SORBS2: variants seen among roughly 807,000 people sequenced by gnomAD.
SORBS2 encodes sorbin and SH3 domain containing 2, also known as sorbin and SH3 domain-containing protein 2.
A neutral mutation model predicts 97.7 loss-of-function variants in SORBS2; 46 were observed. The ratio of observed to expected loss-of-function variants is 0.47; its 90% CI spans 0.37 to 0.60. SORBS2 has a LOEUF of 0.60. Ranked by LOEUF, SORBS2 falls within the 20% of genes least tolerant of loss-of-function variation. The probability of loss-of-function intolerance (pLI) is 0.00; values close to 1 mark genes in which losing one functional copy is unlikely to be tolerated. For missense variants in SORBS2, 1,316 were observed against 1,282.3 expected (o/e 1.03, Z -0.40); for synonymous variants, 476 against 473.4 (o/e 1.01, Z -0.07).
At chr4:185,845,841 G>A (rs1042240774) in intron 1 of SORBS2, among the ~76,000 whole-genome samples, 1 of 152,174 alleles carries the variant, frequency 6.6e-6, no homozygotes, top group Non-Finnish European at 1.5e-5. Flanking sequence ...TTAGGAAAAT[G>A]CAAATGAAAA....
chr4:185,726,707 T>C (rs1393307087), intron 2 of SORBS2, among the ~76,000 whole-genome samples: 3 of 151,884 alleles, frequency 2.0e-5, no homozygotes, highest in Non-Finnish European at 4.4e-5. Context: ...TTCCTTGATG[T>C]TCTTTTCTTA....
chr4:185,887,553 T>C (rs1483757368), intron 1 of SORBS2, among the ~76,000 whole-genome samples: 1 of 152,174 alleles, frequency 6.6e-6, no homozygotes, highest in Non-Finnish European at 1.5e-5. Context: ...ACTGCAGATT[T>C]TGTGGTATGT....
At chr4:185,938,383 GACACATACACACACACACAC>G (rs1350942011) in intron 1 of SORBS2, among the ~76,000 whole-genome samples, 6 of 91,348 alleles carry the variant, frequency 6.6e-5, no homozygotes, top group African/African-American at 2.5e-4. Context: ...GAAAAATGTA[GACACATACACACACACACAC>G]ACACACACAC....
At chr4:185,882,078 A>C (rs2149779896) in intron 1 of SORBS2, among the ~76,000 whole-genome samples, 1 of 152,290 alleles carries the variant, frequency 6.6e-6, no homozygotes, top group African/African-American at 2.4e-5. Flanking sequence ...GCATTAATGC[A>C]AAATTATATT....
At chr4:185,696,592 T>C (rs1213513094) in intron 2 of SORBS2, among the ~76,000 whole-genome samples, 2 of 152,174 alleles carry the variant, frequency 1.3e-5, no homozygotes, top group Non-Finnish European at 2.9e-5. Context: ...TAGCTGGGAT[T>C]ACAGGCATGC....
At chr4:185,895,807 G>C (rs930132116) in intron 1 of SORBS2, among the ~76,000 whole-genome samples, 1 of 152,212 alleles carries the variant, frequency 6.6e-6, no homozygotes, top group Non-Finnish European at 1.5e-5. Context: ...GCAAATTATA[G>C]TTTTCCTGAA....
chr4:185,689,808 A>C (rs538198980), intron 2 of SORBS2, among the ~76,000 whole-genome samples: 1 of 152,240 alleles, frequency 6.6e-6, no homozygotes, highest in South Asian at 2.1e-4. Flanking sequence ...CGACGGCTCA[A>C]ACAACTTTCC....
intron 4 of SORBS2, chr4:185,666,123 A>G: frequency 1.6e-6 from 2 of 1,289,844 alleles, no homozygotes; most frequent in South Asian, 2.5e-5. Flanking sequence ...GAGGGCACGG[A>G]GGAGAAGCTT....
chr4:185,944,936 A>G (rs1349589258), intron 1 of SORBS2, among the ~76,000 whole-genome samples: 2 of 152,210 alleles, frequency 1.3e-5, no homozygotes, highest in African/African-American at 2.4e-5. Flanking sequence ...AATTTCTCCA[A>G]TGCAGCAGCC....
intron 1 of SORBS2, among the ~76,000 whole-genome samples, chr4:185,894,032 T>G (rs1427470849): frequency 6.6e-6 from 1 of 152,200 alleles, no homozygotes; most frequent in Non-Finnish European, 1.5e-5. Context: ...GATGCAAATC[T>G]GCCTCACAAA....
At chr4:185,677,192 G>A in intron 4 of SORBS2, 2 of 1,551,720 alleles carry the variant, frequency 1.3e-6, no homozygotes, top group Non-Finnish European at 8.7e-7. Context: ...GGGTCAGTGA[G>A]CGGGGCCTTT....
chr4:185,667,803 G>T (rs911725875), intron 4 of SORBS2, among the ~76,000 whole-genome samples: 3 of 150,790 alleles, frequency 2.0e-5, no homozygotes, highest in Admixed American at 6.6e-5. Context: ...AAATGTTTTG[G>T]TGGGGATGCA....
chr4:185,633,166 C>T (rs574914555), intron 4 of SORBS2, among the ~76,000 whole-genome samples: 2 of 152,228 alleles, frequency 1.3e-5, no homozygotes, highest in African/African-American at 2.4e-5. Flanking sequence ...TTCATTAATG[C>T]CAGTTTTCCA....
intron 1 of SORBS2, among the ~76,000 whole-genome samples, chr4:185,843,019 C>T (rs1351461552): frequency 6.6e-6 from 1 of 151,496 alleles, no homozygotes; most frequent in East Asian, 1.9e-4. Flanking sequence ...TGGAGAAGGT[C>T]TGGGACTGAA....
chr4:185,602,295 AC>A (rs1404236162), intron 12 of SORBS2, among the ~76,000 whole-genome samples: 16 of 152,268 alleles, frequency 1.1e-4, no homozygotes, highest in African/African-American at 3.9e-4. Context: ...GGCATGAGCC[AC>A]CGTGCCCAGC....
At chr4:185,951,098 T>C (rs1347367635) in intron 1 of SORBS2, among the ~76,000 whole-genome samples, 1 of 152,174 alleles carries the variant, frequency 6.6e-6, no homozygotes, top group African/African-American at 2.4e-5. Flanking sequence ...ATGTTCTTGG[T>C]ACCCTTCCAG....
chr4:185,934,631 C>A (rs1007513810), intron 1 of SORBS2, among the ~76,000 whole-genome samples: 1 of 151,770 alleles, frequency 6.6e-6, no homozygotes, highest in African/African-American at 2.4e-5. Context: ...ACAACAACAA[C>A]AAATTAGCCA....
intron 1 of SORBS2, among the ~76,000 whole-genome samples, chr4:185,895,259 G>C (rs2099244459): frequency 1.3e-5 from 2 of 152,224 alleles, no homozygotes; most frequent in Admixed American, 1.3e-4. Flanking sequence ...CAGAGGACTT[G>C]TTTTGGTGTC....
chr4:185,678,391 A>G (rs1272239538), intron 4 of SORBS2, 32 bp downstream of exon 7: 22 of 1,525,082 alleles, frequency 1.4e-5, no homozygotes, highest in Non-Finnish European at 1.8e-5. Context: ...ATGCCTTAAA[A>G]TAATGCAGTA....
Sources: allele counts gnomAD v4.1 joint callset (sites outside exome capture counted in the v4.1 genomes callset), GRCh38; gene constraint gnomAD v4.1.1; transcripts MANE v1.5; gene names NCBI Gene and HGNC (gene_info 2026-07-23, HGNC 2026-07-21).